GALNT2: variants seen among roughly 807,000 people sequenced by gnomAD.
GALNT2 encodes the protein polypeptide N-acetylgalactosaminyltransferase 2, also known as UDP-GalNAc:polypeptide N-acetylgalactosaminyltransferase 2.
A neutral mutation model predicts 81.4 loss-of-function variants in GALNT2; 31 were observed. The observed-to-expected ratio is 0.38, with a 90% CI of 0.29 to 0.51. The LOEUF is 0.51. GALNT2 is among the 20% of genes least tolerant of loss of function. GALNT2 has a pLI of 0.87. For missense variants in GALNT2, 629 were observed against 765.7 expected (o/e 0.82, Z 2.11); for synonymous variants, 303 against 287.4 (o/e 1.05, Z -0.55).
intron 3 of GALNT2, among the ~76,000 whole-genome samples, chr1:230,224,646 G>A (rs1001115840): frequency 3.3e-5 from 5 of 152,220 alleles, no homozygotes; most frequent in African/African-American, 7.2e-5. Flanking sequence ...GAATACTCAC[G>A]TATTCTGGGC....
upstream of GALNT2, among the ~76,000 whole-genome samples, chr1:230,064,104 T>C (rs187179975): frequency 6.6e-5 from 10 of 152,364 alleles, no homozygotes; most frequent in East Asian, 1.9e-3. Context: ...TATTTATATT[T>C]TTAATATATT....
rs1665740006 is a variant in GALNT2, at chr1:230,257,178, ACACTGGGGCTTTTCAG to A, written c.1136+1837_1136+1852del. 6.6e-6 allele frequency among the ~76,000 whole-genome samples: 1 copy of A among 152,262 alleles called. No homozygotes were observed. Among genetic ancestry groups the A allele is most frequent in the Non-Finnish European group, 1.5e-5 (1 of 68,052 alleles). Reference sequence around the variant, plus strand: ...GGATGTTATTTGATTCTGAAGGAAAACACTGGGGCTTTTCAGCAGTGCCTGATGTCTGTTTTATGCT... The same window carrying A: ...GGATGTTATTTGATTCTGAAGGAAAACAGTGCCTGATGTCTGTTTTATGCT... On this transcript the variant is annotated intron_variant, in intron 11 of 15. Coordinates refer to ENST00000366672, the MANE Select transcript of GALNT2 (RefSeq NM_004481.5). The surrounding 1 kb of genome is among the most constrained non-coding windows in gnomAD (Gnocchi z 4.6).
chr1:230,188,415 A>G (rs2102694347), intron 2 of GALNT2, among the ~76,000 whole-genome samples: 1 of 152,312 alleles, frequency 6.6e-6, no homozygotes, highest in East Asian at 1.9e-4. Context: ...GGTTCGGAAC[A>G]AGGATGATGG....
rs536738524 is a variant in GALNT2, at chr1:230,252,468, C to T, written c.1009+1908C>T. 3.3e-4 allele frequency among the ~76,000 whole-genome samples: 50 copies of T among 152,238 alleles called. No individual in the cohort carries two copies. The South Asian group carries it at 5.8e-3, about 18-fold the overall frequency. ...CATCTGTGTTTCTCTACATCCCTGTCATGCAAGGATGATGCTAAGTACTTC... is the reference window on the plus strand; with the variant it reads ...CATCTGTGTTTCTCTACATCCCTGTTATGCAAGGATGATGCTAAGTACTTC... On this transcript the variant is annotated intron_variant, in intron 10 of 15. Coordinates refer to ENST00000366672, the MANE Select transcript of GALNT2 (RefSeq NM_004481.5).
At chr1:230,258,678 T>C (rs1243886666) in intron 11 of GALNT2, 1 of 152,372 alleles carries the variant, frequency 6.6e-6, no homozygotes, top group East Asian at 1.9e-4. Context: ...TCAAAAACTA[T>C]GTTTCTTCAC....
intron 8 of GALNT2, among the ~76,000 whole-genome samples, chr1:230,247,078 TAA>T (rs1311476492): frequency 1.5e-4 from 21 of 135,846 alleles, no homozygotes; most frequent in Middle Eastern, 3.6e-3. Flanking sequence ...TTGTCTCTAT[TAA>T]AAAAAAAAAA....
chr1:230,143,703 C>T (rs1477288908), intron 1 of GALNT2, among the ~76,000 whole-genome samples: 3 of 152,252 alleles, frequency 2.0e-5, no homozygotes, highest in Non-Finnish European at 2.9e-5. Flanking sequence ...TTCCAGGCCT[C>T]TGTTGCTGCT....
At position 230,262,655 on chromosome 1, in the gene GALNT2, C is replaced by A; in HGVS notation, c.1219C>A (p.Pro407Thr). 6.2e-7 allele frequency: 1 copy of A among 1,613,332 alleles called. No homozygotes were observed. The highest frequency in any genetic ancestry group is 8.5e-7 in the Non-Finnish European group (1 of 1,179,404). The change falls in exon 12 of 16, where the codon CCT (proline) becomes ACT (threonine). Residue 407 changes from proline to threonine, a missense_variant. By Grantham distance (38) the Pro-to-Thr change is conservative. This residue lies in a region of GALNT2 where 207 missense variants were observed against 225.5 expected (regional missense o/e 0.92). Coordinates refer to ENST00000366672, the MANE Select transcript of GALNT2 (RefSeq NM_004481.5). ...AGCAGTGCCTTCTGCTAGAAACGTT[C>A]CTTATGGAAAGTAAGTGGCAGTTCT... ...YAAVPSARNV[P>T]YGNIQSRLEL...
chr1:230,059,377 G>C (rs1571914226), intron 1 of GALNT2, among the ~76,000 whole-genome samples: 2 of 152,288 alleles, frequency 1.3e-5, no homozygotes, highest in Admixed American at 1.3e-4. Flanking sequence ...ACAGTACTAG[G>C]GGCTGACAAA....
chr1:230,212,551 C>G (rs1486250404), intron 3 of GALNT2, among the ~76,000 whole-genome samples: 1 of 152,148 alleles, frequency 6.6e-6, no homozygotes, highest in Non-Finnish European at 1.5e-5. Flanking sequence ...TGTGACATCT[C>G]TGCCTGTCAG....
At chr1:230,214,115 CTT>C (rs60360198) in intron 3 of GALNT2, among the ~76,000 whole-genome samples, 3 of 145,228 alleles carry the variant, frequency 2.1e-5, no homozygotes, top group African/African-American at 2.5e-5. Flanking sequence ...CTTAACTTTA[CTT>C]TTTTTTTTTT....
chr1:230,068,604 GA>G (rs199837973), intron 1 of GALNT2, among the ~76,000 whole-genome samples: 1,884 of 152,298 alleles, frequency 0.012, 16 homozygotes, highest in Non-Finnish European at 0.019. Context: ...CTTCAGTTCT[GA>G]AGTCAGACCC....
At position 230,250,548 on chromosome 1, in the gene GALNT2, G is replaced by C; in HGVS notation, c.997G>C (p.Gly333Arg). ...KYDMMMDVWG[G>R]ENLEISFRVW... is the part of the protein sequence containing the mutation. ...CGACATGATGATGGATGTGTGGGGA[G>C]GAGAGAACCTAGGTATGTACAAGCC... The change falls in exon 10 of 16, where the codon GGA becomes CGA. Residue 333 changes from glycine to arginine, a missense_variant. Physicochemically the swap from Gly to Arg is moderately radical, Grantham distance 125. Transcript: ENST00000366672. The C allele has an allele frequency of 6.2e-7, 1 of 1,611,538 alleles. No individual in the cohort carries two copies. The highest frequency in any genetic ancestry group is 8.5e-7 in the Non-Finnish European group (1 of 1,178,480).
chr1:230,058,121 C>G (rs372871027), intron 1 of GALNT2: 1 of 456,178 alleles, frequency 2.2e-6, no homozygotes. Context: ...GTCCTTAAGT[C>G]TGGGGCTATG....
Position 230,275,184 on chromosome 1 carries a change from CATAT to C in GALNT2, c.1560+624_1560+627del, listed in dbSNP as rs545695539. ...TATACATATACCTGCCACATATATA[CATAT>C]ATAAACACCACATATATATACATAT... On this transcript the variant is annotated intron_variant, in intron 15 of 15. Transcript: ENST00000366672. This position sits in a 1 kb window ranked among gnomAD's most constrained non-coding sequence, Gnocchi z 5.5. Among the ~76,000 whole-genome samples the C allele has an allele frequency of 3.6e-4, 54 of 151,248 alleles. No homozygotes were observed. In the South Asian group the frequency reaches 3.8e-3, roughly 11 times the overall value.
intron 14 of GALNT2, among the ~76,000 whole-genome samples, chr1:230,269,188 CTT>C (rs397972608): frequency 6.6e-5 from 7 of 105,676 alleles, no homozygotes; most frequent in Admixed American, 2.1e-4. Context: ...GTTGCCCAGG[CTT>C]TTTTTTTTTT....
rs1226655120 is a variant in GALNT2 at position 230,279,529 on chromosome 1, T to G, written c.*71T>G. On this transcript the variant is annotated 3_prime_UTR_variant, in exon 16 of 16. Coordinates refer to ENST00000366672, the MANE Select transcript of GALNT2 (RefSeq NM_004481.5). This position sits in a 1 kb window ranked among gnomAD's most constrained non-coding sequence, Gnocchi z 4.6. ...GGAGTCTGGTGATCACATTATTGAT[T>G]ATGTTTCTTAAACTTTCCGCGAAAC... 1 of 1,538,302 alleles carries G rather than the reference T, an allele frequency of 6.5e-7. No homozygotes were observed. Among genetic ancestry groups the G allele is most frequent in the Non-Finnish European group, 8.8e-7 (1 of 1,136,128 alleles).
chr1:230,074,930 T>C (rs1445607269), intron 1 of GALNT2, among the ~76,000 whole-genome samples: 4 of 152,134 alleles, frequency 2.6e-5, no homozygotes, highest in Non-Finnish European at 5.9e-5. Context: ...GGGGTTTTTC[T>C]GCAACTCCTG....
At chr1:230,186,307 T>C (rs1021166415) in intron 2 of GALNT2, among the ~76,000 whole-genome samples, 2 of 152,166 alleles carry the variant, frequency 1.3e-5, no homozygotes, top group African/African-American at 4.8e-5. Flanking sequence ...GATGCAGGTA[T>C]GTCACTGTCT....
Sources: gnomAD v4.1 joint callset for allele counts (sites outside exome capture counted in the v4.1 genomes callset) on GRCh38, gnomAD v4.1.1 for gene constraint, gnomAD v4.1.1 regional missense constraint, Gnocchi (gnomAD v3.1) non-coding constraint, MANE v1.5 for transcripts, NCBI Gene and HGNC (gene_info 2026-07-23, HGNC 2026-07-21) for gene names.